The following SKP1 variants were observed in gnomAD, a reference collection of about 807,000 sequenced individuals.
SKP1 encodes S-phase kinase-associated protein 1.
A neutral mutation model predicts 21.5 loss-of-function variants in SKP1; 1 was observed. The observed-to-expected ratio is 0.05, with a 90% confidence interval of 0.02 to 0.22. SKP1 has a LOEUF of 0.22. SKP1 is among the 10% of genes least tolerant of loss of function. SKP1 has a pLI of 1.00. For synonymous variants in SKP1, 59 were observed against 59.3 expected (o/e 0.99, Z 0.03); for missense variants, 70 against 192.0 (o/e 0.36, Z 3.76).
intron 2 of SKP1, among the ~76,000 whole-genome samples, chr5:134,168,634 A>C (rs944613811): frequency 1.3e-5 from 2 of 152,310 alleles, no homozygotes; most frequent in East Asian, 3.9e-4. Context: ...GATAGCCTGG[A>C]CAAGGTTTGT....
intron 1 of SKP1, chr5:134,175,433 GACC>G (rs1389703571): frequency 6.6e-6 from 1 of 152,160 alleles, no homozygotes; most frequent in Non-Finnish European, 1.5e-5. Context: ...CCTGTGACAA[GACC>G]ACAACAAAAG....
chr5:134,158,772 G>A, intron 4 of SKP1, 177 bp from the exon 5 acceptor site: 1 of 630,896 alleles, frequency 1.6e-6, no homozygotes, highest in South Asian at 1.9e-5. Context: ...GACCTTCTTT[G>A]TTATACCTCT....
chr5:134,161,414 A>G, intron 3 of SKP1: 1 of 265,624 alleles, frequency 3.8e-6, no homozygotes. Context: ...ACTGGAAGAT[A>G]CCTGCAATAT....
Position 134,149,306 on chromosome 5 carries a change from T to C in SKP1, c.*8427A>G, listed in dbSNP as rs1386539318. 6.6e-6 allele frequency: 1 copy of C among 152,228 alleles called. No individual in the cohort carries two copies. Among genetic ancestry groups the C allele is most frequent in the Non-Finnish European group, 1.5e-5 (1 of 68,046 alleles). The allele number at this position is 152,228 out of a possible 1,614,324, so 9.4% of individuals were successfully genotyped here. A position where few individuals can be genotyped will look rare whatever the true frequency, so the allele number is the denominator to read the frequency against. ...CCATATACCATGTGTACTCACTGTTTAGCTCCCTACAACCCACTTTTTACA... is the reference window on the plus strand; with the variant it reads ...CCATATACCATGTGTACTCACTGTTCAGCTCCCTACAACCCACTTTTTACA... On this transcript the variant is annotated 3_prime_UTR_variant, in exon 6 of 6. Coordinates refer to ENST00000353411, the MANE Select transcript of SKP1 (RefSeq NM_170679.3).
intron 2 of SKP1, 65 bp from the exon 3 acceptor site, chr5:134,167,308 A>G: frequency 9.7e-7 from 1 of 1,032,568 alleles, no homozygotes; most frequent in Admixed American, 1.8e-5. Flanking sequence ...CAACCAGGCT[A>G]TGTCTCAAAA....
rs111932959 is a variant in SKP1 at position 134,152,051 on chromosome 5, C to T, written c.*5682G>A. On this transcript the variant is annotated 3_prime_UTR_variant, in exon 6 of 6. Transcript: ENST00000353411. Reference sequence around the variant, plus strand: ...CATACTTCATCTTGATATGCACAGCCAGTTCTCTTACTCATTCTCTGTGAC... The same window carrying T: ...CATACTTCATCTTGATATGCACAGCTAGTTCTCTTACTCATTCTCTGTGAC... The T allele has an allele frequency of 1.8e-5, 3 of 166,248 alleles. No homozygotes were observed. Among genetic ancestry groups the T allele is most frequent in the African/African-American group, 7.1e-5 (3 of 42,394 alleles). The allele number at this position is 166,248 out of a possible 1,614,324, so 10.3% of individuals were successfully genotyped here. A position where few individuals can be genotyped will look rare whatever the true frequency, so the allele number is the denominator to read the frequency against.
chr5:134,164,322 GA>G (rs55637997), intron 3 of SKP1, among the ~76,000 whole-genome samples: 65 of 122,086 alleles, frequency 5.3e-4, no homozygotes, highest in African/African-American at 1.6e-3. Flanking sequence ...TCCATCTCAA[GA>G]AAAAAAAAAA....
intron 2 of SKP1, among the ~76,000 whole-genome samples, chr5:134,168,028 C>T (rs1346568022): frequency 6.6e-6 from 1 of 152,198 alleles, no homozygotes; most frequent in Non-Finnish European, 1.5e-5. Context: ...CTTAGAACAG[C>T]TCTCTTAGGA....
chr5:134,156,607 G>C lies in SKP1; in HGVS notation c.*1126C>G, dbSNP rs1761124998. The C allele has an allele frequency of 6.6e-6, 1 of 152,210 alleles. No homozygotes were observed. The highest frequency in any genetic ancestry group is 6.5e-5 in the Admixed American group (1 of 15,274). 9.4% of individuals were successfully genotyped at this position (152,210 alleles called of 1,614,324 possible). A position where few individuals can be genotyped will look rare whatever the true frequency, so the allele number is the denominator to read the frequency against. On this transcript the variant is annotated 3_prime_UTR_variant, in exon 6 of 6. Coordinates refer to ENST00000353411, the MANE Select transcript of SKP1 (RefSeq NM_170679.3). ...AAGAAAAAAAAATCAAAATTTGTGA[G>C]CCATCTCAAGCCATCAAAAAAACTT...
rs192757651 is a variant in SKP1 at position 134,157,870 on chromosome 5, G to A, written c.457-102C>T. 8 of 1,606,974 alleles carry A rather than the reference G, an allele frequency of 5.0e-6. No individual in the cohort carries two copies. The East Asian group carries it at 1.6e-4, about 32-fold the overall frequency. ...CATCGATAGCCAGTGAGTTGAGTCA[G>A]AAGAACAGATGGAAAATTAGAACAA... On this transcript the variant is annotated intron_variant, in intron 5 of 5. Transcript: ENST00000353411.
rs1761023824 is a variant in SKP1 at position 134,150,179 on chromosome 5, CTA to C, written c.*7552_*7553del. 1.3e-5 allele frequency: 2 copies of C among 152,204 alleles called. No homozygotes were observed. Among genetic ancestry groups the C allele is most frequent in the African/African-American group, 4.8e-5 (2 of 41,444 alleles). The allele number at this position is 152,204 out of a possible 1,614,324, so 9.4% of individuals were successfully genotyped here. On this transcript the variant is annotated 3_prime_UTR_variant, in exon 6 of 6. Coordinates refer to ENST00000353411, the MANE Select transcript of SKP1 (RefSeq NM_170679.3). Reference sequence around the variant, plus strand: ...GTTCAGCCCAGCAAGCAGACAAAGCCTATGTCTCCCAACGTGAAGGTGTCTAC... The same window carrying C: ...GTTCAGCCCAGCAAGCAGACAAAGCCTGTCTCCCAACGTGAAGGTGTCTAC...
chr5:134,150,749 C>G lies in SKP1; in HGVS notation c.*6984G>C, dbSNP rs1340137915. 6.6e-6 allele frequency: 1 copy of G among 152,124 alleles called. No homozygotes were observed. Among genetic ancestry groups the G allele is most frequent in the Admixed American group, 6.5e-5 (1 of 15,268 alleles). The allele number at this position is 152,124 out of a possible 1,614,324, so 9.4% of individuals were successfully genotyped here. A position where few individuals can be genotyped will look rare whatever the true frequency, so the allele number is the denominator to read the frequency against. On this transcript the variant is annotated 3_prime_UTR_variant, in exon 6 of 6. Coordinates refer to ENST00000353411, the MANE Select transcript of SKP1 (RefSeq NM_170679.3). The stretch of plus-strand genomic sequence containing the variant: ...CCAACTTATTGTGATAACCTTGTTC[C>G]AAATCTCAAATCACCCTATGGGCAT...
At chr5:134,176,154 G>A (rs1761541106) in intron 1 of SKP1, among the ~76,000 whole-genome samples, 1 of 152,196 alleles carries the variant, frequency 6.6e-6, no homozygotes, top group Non-Finnish European at 1.5e-5. Context: ...CTAGAGTTAA[G>A]TTATACACAG....
At chr5:134,167,143 T>C (rs766626855) in intron 3 of SKP1, 27 bp downstream of exon 3, 2 of 1,261,546 alleles carry the variant, frequency 1.6e-6, no homozygotes, top group Admixed American at 3.5e-5. Flanking sequence ...TTAAGCAGAA[T>C]AAACTTAAAC....
In SKP1 at chr5:134,152,149, CATTCA is replaced by C. The variant is rs1328893136; in HGVS notation, c.*5579_*5583del. ...AGGACTCTAACTGTAAAACCCCCAA[CATTCA>C]AAAGACTGGTTTAGTTGAACAGCCA... On this transcript the variant is annotated 3_prime_UTR_variant, in exon 6 of 6. Coordinates refer to ENST00000353411, the MANE Select transcript of SKP1 (RefSeq NM_170679.3). 2 of 152,154 alleles carry C rather than the reference CATTCA, an allele frequency of 1.3e-5. No individual in the cohort carries two copies. Among genetic ancestry groups the C allele is most frequent in the Non-Finnish European group, 2.9e-5 (2 of 68,022 alleles). The allele number at this position is 152,154 out of a possible 1,614,324, so 9.4% of individuals were successfully genotyped here. A position where few individuals can be genotyped will look rare whatever the true frequency, so the allele number is the denominator to read the frequency against.
At chr5:134,160,478 CTA>C (rs1761200034) in intron 4 of SKP1, among the ~76,000 whole-genome samples, 1 of 152,080 alleles carries the variant, frequency 6.6e-6, no homozygotes, top group Admixed American at 6.5e-5. Context: ...GCTGAAATCT[CTA>C]TGATTGTCAC....
chr5:134,151,258 G>C lies in SKP1; in HGVS notation c.*6475C>G, dbSNP rs1761039092. 6.5e-6 allele frequency: 1 copy of C among 152,742 alleles called. No homozygotes were observed. Among genetic ancestry groups the C allele is most frequent in the Non-Finnish European group, 1.5e-5 (1 of 68,468 alleles). The allele number at this position is 152,742 out of a possible 1,614,324, so 9.5% of individuals were successfully genotyped here. A position where few individuals can be genotyped will look rare whatever the true frequency, so the allele number is the denominator to read the frequency against. ...AGGCATGTGCAATGTCAGGAAGCGG[G>C]GTGGGGCTTGGGGAGGGAAGAGGAA... On this transcript the variant is annotated 3_prime_UTR_variant, in exon 6 of 6. Transcript: ENST00000353411.
intron 2 of SKP1, among the ~76,000 whole-genome samples, chr5:134,171,329 C>T (rs1311472986): frequency 1.3e-5 from 2 of 152,164 alleles, no homozygotes; most frequent in Admixed American, 6.5e-5. Flanking sequence ...ACTCTAGTCA[C>T]CTAGAAATGT....
chr5:134,171,367 A>C (rs6887700), intron 2 of SKP1, among the ~76,000 whole-genome samples: 139,164 of 152,176 alleles, frequency 0.91, 64,095 homozygotes, highest in African/African-American at 0.98. Flanking sequence ...TCCACAAATC[A>C]TACTCTACTA....
Sources: allele counts gnomAD v4.1 joint callset (sites outside exome capture counted in the v4.1 genomes callset), GRCh38; gene constraint gnomAD v4.1.1; transcripts MANE v1.5; gene names NCBI Gene and HGNC (gene_info 2026-07-23, HGNC 2026-07-21).